Variants in RANBP17 observed in about 807,000 individuals in gnomAD.
RANBP17 encodes RAN binding protein 17.
RANBP17 carries 158 observed loss-of-function variants against 141.2 expected under a neutral mutation model. That is an observed-to-expected ratio of 1.12 (90% CI 0.98 to 1.28). RANBP17 has a LOEUF of 1.28. Among genes scored for constraint, RANBP17 ranks in the 50% most tolerant of loss-of-function variants. The probability of loss-of-function intolerance (pLI) is 0.00; values close to 1 mark genes in which losing one functional copy is unlikely to be tolerated. For synonymous variants in RANBP17, 430 were observed against 450.0 expected (o/e 0.96, Z 0.56); for missense variants, 1,438 against 1,290.7 (o/e 1.11, Z -1.75).
At chr5:170,908,330 G>A (rs752607210) in intron 5 of RANBP17, among the ~76,000 whole-genome samples, 10 of 151,906 alleles carry the variant, frequency 6.6e-5, no homozygotes, top group Non-Finnish European at 1.3e-4. Flanking sequence ...ATATTATGCA[G>A]CTATAAAAAA....
intron 13 of RANBP17, among the ~76,000 whole-genome samples, chr5:170,962,196 T>C (rs1215191911): frequency 1.3e-5 from 2 of 152,202 alleles, no homozygotes; most frequent in African/African-American, 2.4e-5. Context: ...GCCATTGTTA[T>C]TTTGGATTTC....
chr5:171,012,691 G>A (rs1780139473), intron 14 of RANBP17, among the ~76,000 whole-genome samples: 1 of 152,074 alleles, frequency 6.6e-6, no homozygotes, highest in East Asian at 1.9e-4. Flanking sequence ...TCTTGTTTAA[G>A]TCATTATTTG....
chr5:170,889,820 G>A (rs1358403074), intron 3 of RANBP17, among the ~76,000 whole-genome samples: 1 of 151,990 alleles, frequency 6.6e-6, no homozygotes, highest in Non-Finnish European at 1.5e-5. Flanking sequence ...TCTTAGTATG[G>A]CTTTTCTCTA....
At chr5:171,251,776 C>CGCCTCT in intron 24 of RANBP17, 1 of 1,077,250 alleles carries the variant, frequency 9.3e-7, no homozygotes, top group South Asian at 1.3e-5. Flanking sequence ...CGCCCGCCCC[C>CGCCTCT]GCCTCTGTGA....
In RANBP17 at chr5:170,881,978, G is replaced by C. The variant is rs1465015880; in HGVS notation, c.256+82G>C. 4.9e-6 allele frequency: 4 copies of C among 818,416 alleles called. No individual in the cohort carries two copies. In the East Asian group the frequency reaches 1.1e-4, roughly 22 times the overall value. 50.7% of individuals were successfully genotyped at this position (818,416 alleles called of 1,614,324 possible). Reference sequence around the variant, plus strand: ...AATATACTAAACTGTTACTAGGATTGCAAATTTTTTATGTCTGTCATTTTT... The same window carrying C: ...AATATACTAAACTGTTACTAGGATTCCAAATTTTTTATGTCTGTCATTTTT... On this transcript the variant is annotated intron_variant, in intron 3 of 27. Coordinates refer to ENST00000523189, the MANE Select transcript of RANBP17 (RefSeq NM_022897.5).
At chr5:171,274,190 C>A (rs1053926213) in intron 25 of RANBP17, among the ~76,000 whole-genome samples, 1 of 149,558 alleles carries the variant, frequency 6.7e-6, no homozygotes. Context: ...TACTGAGGAT[C>A]AAAATAAAAT....
chr5:171,277,061 TG>T (rs1767534660), intron 25 of RANBP17, among the ~76,000 whole-genome samples: 1 of 151,708 alleles, frequency 6.6e-6, no homozygotes, highest in African/African-American at 2.4e-5. Flanking sequence ...CAGTGATTTT[TG>T]GTTTGTCTTT....
intron 12 of RANBP17, among the ~76,000 whole-genome samples, chr5:170,928,923 T>C (rs1039204054): frequency 6.6e-6 from 1 of 152,102 alleles, no homozygotes; most frequent in Non-Finnish European, 1.5e-5. Context: ...GTTAACAACA[T>C]TGAGGCCTGC....
chr5:171,275,738 A>G (rs1428752282), intron 25 of RANBP17, among the ~76,000 whole-genome samples: 3 of 152,196 alleles, frequency 2.0e-5, no homozygotes, highest in South Asian at 2.1e-4. Context: ...ACAGTTTGAC[A>G]TGGAATACTC....
At chr5:171,117,245 C>G (rs759347673) in intron 14 of RANBP17, among the ~76,000 whole-genome samples, 1 of 152,060 alleles carries the variant, frequency 6.6e-6, no homozygotes, top group Non-Finnish European at 1.5e-5. Context: ...TTTGAGGAAC[C>G]TCCGTATTTT....
At position 171,221,857 on chromosome 5, in the gene RANBP17, A is replaced by T; in HGVS notation, c.2422+17A>T. On this transcript the variant is annotated intron_variant, in intron 22 of 27. Transcript: ENST00000523189. ...GCACTTATGGTGAGTGTCCTTTTCC[A>T]TATGTGCCTCTGCAATATAGTTTTA... The T allele has an allele frequency of 1.4e-6, 2 of 1,384,640 alleles. No homozygotes were observed. Among genetic ancestry groups the T allele is most frequent in the South Asian group, 1.2e-5 (1 of 84,524 alleles). 85.8% of individuals were successfully genotyped at this position (1,384,640 alleles called of 1,614,324 possible).
intron 13 of RANBP17, among the ~76,000 whole-genome samples, chr5:170,961,645 G>A (rs901645044): frequency 5.9e-5 from 9 of 152,090 alleles, no homozygotes; most frequent in Admixed American, 4.6e-4. Flanking sequence ...TTTTGGATTC[G>A]AGATGCTCAG....
intron 23 of RANBP17, among the ~76,000 whole-genome samples, 156 bp downstream of exon 23, chr5:171,241,298 T>C (rs932997886): frequency 6.6e-6 from 1 of 151,158 alleles, no homozygotes; most frequent in Non-Finnish European, 1.5e-5. Context: ...TGGAAAACTA[T>C]AGTGGCTTTT....
At chr5:170,964,911 C>G (rs1285609413) in intron 13 of RANBP17, among the ~76,000 whole-genome samples, 1 of 151,980 alleles carries the variant, frequency 6.6e-6, no homozygotes, top group East Asian at 1.9e-4. Flanking sequence ...GGGTATATAC[C>G]CAGTAATGGG....
intron 12 of RANBP17, among the ~76,000 whole-genome samples, chr5:170,945,826 A>G (rs1225731899): frequency 6.6e-6 from 1 of 152,182 alleles, no homozygotes; most frequent in East Asian, 1.9e-4. Flanking sequence ...AATCAAAAAA[A>G]GTGTGAAATG....
chr5:171,051,042 T>C (rs1193531744), intron 14 of RANBP17, among the ~76,000 whole-genome samples: 3 of 152,204 alleles, frequency 2.0e-5, no homozygotes, highest in African/African-American at 7.2e-5. Flanking sequence ...AAAAATTCCA[T>C]GTTCATTTGG....
intron 14 of RANBP17, among the ~76,000 whole-genome samples, chr5:171,135,589 G>C (rs1757220192): frequency 6.6e-6 from 1 of 152,072 alleles, no homozygotes; most frequent in African/African-American, 2.4e-5. Flanking sequence ...TCTCCACCCT[G>C]ACCCCTTGCC....
chr5:171,059,002 T>G (rs1384824568), intron 14 of RANBP17, among the ~76,000 whole-genome samples: 1 of 151,938 alleles, frequency 6.6e-6, no homozygotes, highest in Non-Finnish European at 1.5e-5. Context: ...CACTTTTTGA[T>G]GGAGTTGTTT....
At chr5:171,160,699 A>G (rs530865870) in intron 14 of RANBP17, among the ~76,000 whole-genome samples, 3 of 152,342 alleles carry the variant, frequency 2.0e-5, no homozygotes, top group Admixed American at 6.5e-5. Context: ...TACTTTTGCC[A>G]ATCAGAAGGT....
Sources: allele counts gnomAD v4.1 joint callset (sites outside exome capture counted in the v4.1 genomes callset), GRCh38; gene constraint gnomAD v4.1.1; transcripts MANE v1.5; gene names NCBI Gene and HGNC (gene_info 2026-07-23, HGNC 2026-07-21).